MUC17: variants seen among roughly 807,000 people sequenced by gnomAD.
MUC17 encodes mucin 17, cell surface associated.
MUC17 carries 190 observed loss-of-function variants against 170.3 expected under a neutral mutation model. The ratio of observed to expected loss-of-function variants is 1.12; its 90% confidence interval spans 0.99 to 1.26. The LOEUF is 1.26. Among genes scored for constraint, MUC17 ranks in the 50% most tolerant of loss-of-function variants. The probability of loss-of-function intolerance (pLI) is 0.00; values close to 1 mark genes in which losing one functional copy is unlikely to be tolerated. For synonymous variants in MUC17, 2,325 were observed against 2,002.5 expected, an observed-to-expected ratio of 1.16 and a Z score of -4.30; for missense variants, 6,415 against 5,530.0, an observed-to-expected ratio of 1.16 and a Z score of -5.08.
Position 101,051,862 on chromosome 7 carries a change from C to T in MUC17, c.13003C>T (p.Gln4335Ter), listed in dbSNP as rs961848123. 4 of 1,614,072 alleles carry T rather than the reference C, an allele frequency of 2.5e-6. No homozygotes were observed. Among genetic ancestry groups the T allele is most frequent in the Admixed American group, 1.7e-5 (1 of 60,000 alleles). ...CTACTTCGTAGTGGAGTACCGGGAC[C>T]AGAAGCCATACTGCATCAGCCCCTG... is the stretch of plus-strand genomic sequence containing the variant. The part of the protein sequence containing the change: ...GDYFVVEYRD[Q>*]KPYCISPCEP... The change falls in exon 9 of 13, where the codon CAG (glutamine) becomes TAG (stop). Residue 4335 changes from glutamine (Q) to a stop codon, truncating the protein, a stop_gained. Transcript: ENST00000306151. LOFTEE classifies it high-confidence loss of function.
intron 6 of MUC17, 101 bp downstream of exon 6, chr7:101,049,483 G>A: frequency 6.9e-7 from 1 of 1,450,996 alleles, no homozygotes. Flanking sequence ...CTGTGCCCAG[G>A]CAGCTATTGC....
intron 3 of MUC17, among the ~76,000 whole-genome samples, chr7:101,045,027 T>G (rs1484312959): frequency 6.6e-6 from 1 of 152,206 alleles, no homozygotes; most frequent in Admixed American, 6.5e-5. Flanking sequence ...CACTCAGCCT[T>G]CTTCTCTCTT....
Position 101,033,806 on chromosome 7 carries a change from C to T in MUC17, c.2390C>T (p.Pro797Leu), listed in dbSNP as rs767482113. The change falls in exon 3 of 13, where the codon CCA becomes CTA. Residue 797 changes from proline to leucine, a missense_variant. By Grantham distance (98) the Pro-to-Leu change is moderately conservative. Coordinates refer to ENST00000306151, the MANE Select transcript of MUC17 (RefSeq NM_001040105.2). ...SPTTTEGTSMPISTPSEGSPL... is the reference protein window; with the variant it reads ...SPTTTEGTSMLISTPSEGSPL... ...ACAACCACTGAAGGTACCAGCATGC[C>T]AATCTCAACTCCTAGTGAAGGAAGT... 1 of 1,614,018 alleles carries T rather than the reference C, an allele frequency of 6.2e-7. No individual in the cohort carries two copies. The highest frequency in any genetic ancestry group is 1.3e-5 in the African/African-American group (1 of 74,980).
At position 101,038,647 on chromosome 7, in the gene MUC17, A is replaced by G; in HGVS notation, c.7231A>G (p.Ser2411Gly). 6.2e-7 allele frequency: 1 copy of G among 1,614,054 alleles called. No homozygotes were observed. Among genetic ancestry groups the G allele is most frequent in the Non-Finnish European group, 8.5e-7 (1 of 1,179,988 alleles). ...GCCTGTCAGCACCATGCCGGTGGTC[A>G]GTTCTGAGGCTAGCACCCATTCCAC... is the stretch of plus-strand genomic sequence containing the variant. Reference protein sequence around the residue: ...SVPVSTMPVVSSEASTHSTTP... With the variant: ...SVPVSTMPVVGSEASTHSTTP... The change falls in exon 3 of 13, where the codon AGT becomes GGT. Residue 2411 changes from serine (S) to glycine (G), a missense_variant. Coordinates refer to ENST00000306151, the MANE Select transcript of MUC17 (RefSeq NM_001040105.2).
rs760222781 is a variant in MUC17, at chr7:101,031,706, G to T, written c.290G>T (p.Ser97Ile). The change falls in exon 3 of 13, where the codon AGT (serine) becomes ATT (isoleucine). Residue 97 changes from serine (S) to isoleucine (I), a missense_variant. Transcript: ENST00000306151. ...TNPEMTSIES[S>I]VTSDTPGVSS... ...CCTGAGATGACCTCGATTGAGTCCA[G>T]TGTGACTTCAGACACTCCTGGTGTC... 10 of 1,612,438 alleles carry T rather than the reference G, an allele frequency of 6.2e-6. No individual in the cohort carries two copies. The highest frequency in any genetic ancestry group is 8.5e-6 in the Non-Finnish European group (10 of 1,178,980).
chr7:101,033,425 C>T lies in MUC17; in HGVS notation c.2009C>T (p.Ser670Phe). Reference sequence around the variant, plus strand: ...ACTTCAACTGAAGCCACTTCATCTTCTACAACTGCGGAAGGTACCAGCATG... The same window carrying T: ...ACTTCAACTGAAGCCACTTCATCTTTTACAACTGCGGAAGGTACCAGCATG... Reference protein sequence around the residue: ...VTTSTEATSSSTTAEGTSMPT... With the variant: ...VTTSTEATSSFTTAEGTSMPT... Residue 670 changes from serine (S) to phenylalanine (F), a missense_variant, in exon 3 of 13, where the codon TCT (serine) becomes TTT (phenylalanine). By Grantham distance (155) the Ser-to-Phe change is radical. Coordinates refer to ENST00000306151, the MANE Select transcript of MUC17 (RefSeq NM_001040105.2). 1 of 1,613,528 alleles carries T rather than the reference C, an allele frequency of 6.2e-7. No individual in the cohort carries two copies. The highest frequency in any genetic ancestry group is 8.5e-7 in the Non-Finnish European group (1 of 1,179,716).
Position 101,043,308 on chromosome 7 carries a change from T to C in MUC17, c.11892T>C (p.Pro3964=), listed in dbSNP as rs1229213844. 2 of 1,614,002 alleles carry C rather than the reference T, an allele frequency of 1.2e-6. No individual in the cohort carries two copies. Among genetic ancestry groups the C allele is most frequent in the African/African-American group, 1.3e-5 (1 of 74,912 alleles). The change falls in exon 3 of 13, where the codon CCT becomes CCC. Residue 3964 remains proline, a synonymous_variant. Transcript: ENST00000306151. ...FPATTGAVST[P]VITSTELNTP... is the part of the protein sequence containing the mutation. ...CAACAACTGGTGCTGTATCTACCCC[T>C]GTGATAACTTCCACTGAACTAAACA...
rs948831921 is a variant in MUC17 at position 101,036,777 on chromosome 7, T to G, written c.5361T>G (p.Thr1787=). Residue 1787 remains threonine, a synonymous_variant, in exon 3 of 13, where the codon ACT becomes ACG. Transcript: ENST00000306151. The part of the protein sequence containing the change: ...STPVTTSTEA[T]SSPTTAEGTS... ...CTGTGACCACTTCTACTGAAGCCAC[T>G]TCGTCTCCTACAACTGCTGAAGGTA... is the stretch of plus-strand genomic sequence containing the variant. The G allele has an allele frequency of 6.2e-7, 1 of 1,612,480 alleles. No homozygotes were observed. Among genetic ancestry groups the G allele is most frequent in the Non-Finnish European group, 8.5e-7 (1 of 1,179,510 alleles).
rs535760933 is a variant in MUC17 at position 101,041,116 on chromosome 7, G to A, written c.9700G>A (p.Val3234Met). ...TAGTGTACCTGTCAGCAACACGCCGGTGGCCAGTTCTGAGGCTAGCATCCT... is the reference window on the plus strand; with the variant it reads ...TAGTGTACCTGTCAGCAACACGCCGATGGCCAGTTCTGAGGCTAGCATCCT... ...LTSVPVSNTP[V>M]ASSEASILST... is the part of the protein sequence containing the mutation. The change falls in exon 3 of 13, where the codon GTG becomes ATG. Residue 3234 changes from valine to methionine, a missense_variant. Coordinates refer to ENST00000306151, the MANE Select transcript of MUC17 (RefSeq NM_001040105.2). 5 of 1,613,688 alleles carry A rather than the reference G, an allele frequency of 3.1e-6. No individual in the cohort carries two copies. The South Asian group carries it at 4.4e-5, about 14-fold the overall frequency.
At chr7:101,048,762 T>C in intron 4 of MUC17, 83 bp from the exon 5 acceptor site, 1 of 1,506,434 alleles carries the variant, frequency 6.6e-7, no homozygotes, top group Non-Finnish European at 9.1e-7. Context: ...ACAATGGAGC[T>C]CACTCCCTCC....
rs1327822904 is a variant in MUC17 at position 101,033,886 on chromosome 7, A to G, written c.2470A>G (p.Ser824Gly). Residue 824 changes from serine (S) to glycine (G), a missense_variant, in exon 3 of 13, where the codon AGC (serine) becomes GGC (glycine). Physicochemically the swap from Ser to Gly is moderately conservative, Grantham distance 56 (BLOSUM62 0). Transcript: ENST00000306151. The part of the protein sequence containing the change: ...SITPVTSPEA[S>G]TLSTTPVDSN... The stretch of plus-strand genomic sequence containing the variant: ...CACACCGGTGACCAGTCCTGAGGCT[A>G]GCACCCTTTCAACAACTCCTGTTGA... The G allele has an allele frequency of 1.2e-6, 2 of 1,613,410 alleles. No homozygotes were observed. Among genetic ancestry groups the G allele is most frequent in the African/African-American group, 2.7e-5 (2 of 74,828 alleles).
At chr7:101,028,811 C>T (rs1794227392) in intron 1 of MUC17, among the ~76,000 whole-genome samples, 1 of 152,122 alleles carries the variant, frequency 6.6e-6, no homozygotes, top group South Asian at 2.1e-4. Context: ...TTGCTTGAGC[C>T]CAGGAATTTG....
chr7:101,034,324 G>C lies in MUC17; in HGVS notation c.2908G>C (p.Gly970Arg). 3.7e-6 allele frequency: 6 copies of C among 1,608,764 alleles called. No individual in the cohort carries two copies. Among genetic ancestry groups the C allele is most frequent in the Non-Finnish European group, 5.1e-6 (6 of 1,177,788 alleles). The change falls in exon 3 of 13, where the codon GGT (glycine) becomes CGT (arginine). Residue 970 changes from glycine (G) to arginine (R), a missense_variant. Gly to Arg is a moderately radical substitution (Grantham distance 125, BLOSUM62 -2). Coordinates refer to ENST00000306151, the MANE Select transcript of MUC17 (RefSeq NM_001040105.2). ...EATSSPTTAEGTSIPTSTPSE... is the reference protein window; with the variant it reads ...EATSSPTTAERTSIPTSTPSE... Reference sequence around the variant, plus strand: ...CACTTCATCTCCTACAACTGCTGAAGGTACCAGCATACCAACCTCGACTCC... The same window carrying C: ...CACTTCATCTCCTACAACTGCTGAACGTACCAGCATACCAACCTCGACTCC...
In MUC17 at chr7:101,034,319, C is replaced by T; in HGVS notation, c.2903C>T (p.Ala968Val). 6.2e-7 allele frequency: 1 copy of T among 1,609,846 alleles called. No individual in the cohort carries two copies. The highest frequency in any genetic ancestry group is 1.1e-5 in the South Asian group (1 of 90,204). The change falls in exon 3 of 13, where the codon GCT becomes GTT. Residue 968 changes from alanine to valine, a missense_variant. Physicochemically the swap from Ala to Val is moderately conservative, Grantham distance 64. Transcript: ENST00000306151. The part of the protein sequence containing the change: ...STEATSSPTT[A>V]EGTSIPTSTP... ...GAAGCCACTTCATCTCCTACAACTG[C>T]TGAAGGTACCAGCATACCAACCTCG...
Position 101,036,312 on chromosome 7 carries a change from A to G in MUC17, c.4896A>G (p.Leu1632=), listed in dbSNP as rs1216786067. The change falls in exon 3 of 13, where the codon CTA becomes CTG. Residue 1632 remains leucine (L), a synonymous_variant. Transcript: ENST00000306151. ...CAACTCCTAGTGAAGGAAGTCCTCT[A>G]TTAACAAGTATACCTGTCAGCACCA... ...TISTPSEGSP[L]LTSIPVSTTP... 3.7e-6 allele frequency: 6 copies of G among 1,613,680 alleles called. No individual in the cohort carries two copies. Among genetic ancestry groups the G allele is most frequent in the Non-Finnish European group, 5.1e-6 (6 of 1,179,890 alleles).
rs771488253 is a variant in MUC17 at position 101,032,765 on chromosome 7, G to A, written c.1349G>A (p.Gly450Glu). ...ATTGCAACCTCAACTCCTAGTGAAG[G>A]AAGCACTCCATTAACAAGTATGCCT... ...TSIATSTPSE[G>E]STPLTSMPVS... The change falls in exon 3 of 13, where the codon GGA (glycine) becomes GAA (glutamate). Residue 450 changes from glycine to glutamate, a missense_variant. Gly to Glu is a moderately conservative substitution (Grantham distance 98). Coordinates refer to ENST00000306151, the MANE Select transcript of MUC17 (RefSeq NM_001040105.2). 39 of 1,613,924 alleles carry A rather than the reference G, an allele frequency of 2.4e-5. No individual in the cohort carries two copies. Among genetic ancestry groups the A allele is most frequent in the Non-Finnish European group, 3.1e-5 (36 of 1,180,022 alleles).
At chr7:101,046,451 G>A (rs1431433863) in intron 3 of MUC17, among the ~76,000 whole-genome samples, 2 of 152,180 alleles carry the variant, frequency 1.3e-5, no homozygotes, top group African/African-American at 2.4e-5. Flanking sequence ...TTTAAACTAA[G>A]AGGAGTTTAT....
chr7:101,021,260 A>G (rs890407423), intron 1 of MUC17, among the ~76,000 whole-genome samples: 2 of 129,838 alleles, frequency 1.5e-5, no homozygotes, highest in South Asian at 2.4e-4. Context: ...ATGTCAGCCC[A>G]CTGCAACCTC....
Position 101,037,742 on chromosome 7 carries a change from T to C in MUC17, c.6326T>C (p.Leu2109Pro). ...EGSPLLTSIPLSTTPVASPEA... is the reference protein window; with the variant it reads ...EGSPLLTSIPPSTTPVASPEA... ...AGTCCTCTACTAACAAGTATACCTC[T>C]CAGCACCACGCCGGTGGCCAGTCCT... Residue 2109 changes from leucine (L) to proline (P), a missense_variant, in exon 3 of 13, where the codon CTC (leucine) becomes CCC (proline). Coordinates refer to ENST00000306151, the MANE Select transcript of MUC17 (RefSeq NM_001040105.2). 2 of 1,613,880 alleles carry C rather than the reference T, an allele frequency of 1.2e-6. No individual in the cohort carries two copies. Among genetic ancestry groups the C allele is most frequent in the South Asian group, 2.2e-5 (2 of 91,068 alleles).
Sources: allele counts gnomAD v4.1 joint callset (sites outside exome capture counted in the v4.1 genomes callset), GRCh38; gene constraint gnomAD v4.1.1; transcripts MANE v1.5; gene names NCBI Gene and HGNC (gene_info 2026-07-23, HGNC 2026-07-21).